KIF26B: variants seen among roughly 807,000 people sequenced by gnomAD.
KIF26B encodes the protein kinesin-like protein KIF26B.
KIF26B carries 63 observed loss-of-function variants against 151.2 expected under a neutral mutation model. The ratio of observed to expected loss-of-function variants is 0.42; its 90% CI spans 0.34 to 0.51. The LOEUF (loss-of-function observed/expected upper bound fraction) is 0.51. Ranked by LOEUF, KIF26B falls within the 20% of genes least tolerant of loss-of-function variation. KIF26B has a pLI of 0.07. For synonymous variants in KIF26B, 1,357 were observed against 1,262.1 expected, an observed-to-expected ratio of 1.08 and a Z score of -1.59; for missense variants, 2,813 against 2,913.6, an observed-to-expected ratio of 0.97 and a Z score of 0.79.
intron 2 of KIF26B, among the ~76,000 whole-genome samples, chr1:245,186,719 C>T (rs1050262497): frequency 8.5e-5 from 13 of 152,132 alleles, no homozygotes; most frequent in African/African-American, 3.1e-4. Context: ...CAGACAGAAT[C>T]AAATGAAATA....
At position 245,573,664 on chromosome 1, in the gene KIF26B, C is replaced by T. The variant is rs150080482; in HGVS notation, c.1351-28913C>T. Among the ~76,000 whole-genome samples the T allele has an allele frequency of 6.6e-3, 1,002 of 152,024 alleles. 6 individuals are homozygous for T. The highest frequency in any genetic ancestry group is 0.031 in the Middle Eastern group (9 of 292). On this transcript the variant is annotated intron_variant, in intron 5 of 14. Coordinates refer to ENST00000407071, the MANE Select transcript of KIF26B (RefSeq NM_018012.4). Reference sequence around the variant, plus strand: ...CTCCCGAGGCAGAAATTTGCTTTTGCTCATTGCAAACTGGCCAAGGAAAAA... The same window carrying T: ...CTCCCGAGGCAGAAATTTGCTTTTGTTCATTGCAAACTGGCCAAGGAAAAA...
chr1:245,471,941 G>A (rs1287184221), intron 4 of KIF26B, among the ~76,000 whole-genome samples: 1 of 151,964 alleles, frequency 6.6e-6, no homozygotes, highest in Non-Finnish European at 1.5e-5. Flanking sequence ...ACAGGCGCCC[G>A]CCACCACACC....
At chr1:245,451,585 CTTTTTTTTTTTT>C (rs58192966) in intron 4 of KIF26B, among the ~76,000 whole-genome samples, 2 of 58,740 alleles carry the variant, frequency 3.4e-5, no homozygotes, top group African/African-American at 1.4e-4. Context: ...GAAGATCTAT[CTTTTTTTTTTTT>C]TTTTTTTTTT....
intron 2 of KIF26B, among the ~76,000 whole-genome samples, chr1:245,287,937 G>A (rs1671194784): frequency 6.6e-6 from 1 of 151,228 alleles, no homozygotes; most frequent in Non-Finnish European, 1.5e-5. Flanking sequence ...TCTGGGTTTT[G>A]ATAATTATCT....
chr1:245,517,354 CAAA>C (rs530805018), intron 4 of KIF26B, among the ~76,000 whole-genome samples: 1 of 107,300 alleles, frequency 9.3e-6, no homozygotes, highest in Non-Finnish European at 2.0e-5. Context: ...GACTCTGTCT[CAAA>C]AAAAAAAAAA....
chr1:245,617,084 TTTTGTTTGTTTG>T (rs139746401), intron 9 of KIF26B, among the ~76,000 whole-genome samples: 2 of 150,882 alleles, frequency 1.3e-5, no homozygotes, highest in South Asian at 4.2e-4. Context: ...TAATCTGTTT[TTTTGTTTGTTTG>T]TTTGTTTGTT....
chr1:245,605,721 C>T lies in KIF26B; in HGVS notation c.1558-1930C>T, dbSNP rs144752802. Among the ~76,000 whole-genome samples, 247 of 152,202 alleles carry T rather than the reference C, an allele frequency of 1.6e-3. 1 individual carries two copies. Among genetic ancestry groups the T allele is most frequent in the African/African-American group, 5.6e-3 (233 of 41,574 alleles). On this transcript the variant is annotated intron_variant, in intron 6 of 14. Coordinates refer to ENST00000407071, the MANE Select transcript of KIF26B (RefSeq NM_018012.4). ...AGGTCCCAGGGGAAGCAGCAAGGGGCCTCCGGGGCCCCTGCCAGCTCTTAA... is the reference window on the plus strand; with the variant it reads ...AGGTCCCAGGGGAAGCAGCAAGGGGTCTCCGGGGCCCCTGCCAGCTCTTAA...
intron 5 of KIF26B, among the ~76,000 whole-genome samples, chr1:245,575,065 C>T (rs529723795): frequency 6.0e-5 from 9 of 151,238 alleles, no homozygotes; most frequent in African/African-American, 1.7e-4. Context: ...CGGGGTTTCA[C>T]CATGTTAGCC....
intron 2 of KIF26B, among the ~76,000 whole-genome samples, chr1:245,182,653 T>G (rs562015212): frequency 7.2e-5 from 11 of 152,260 alleles, no homozygotes; most frequent in Admixed American, 7.2e-4. Context: ...CTTTTTTTTT[T>G]GAAATAGAGT....
At chr1:245,209,371 A>C (rs904454834) in intron 2 of KIF26B, among the ~76,000 whole-genome samples, 1 of 152,194 alleles carries the variant, frequency 6.6e-6, no homozygotes, top group Non-Finnish European at 1.5e-5. Flanking sequence ...ACTGCACTCC[A>C]GCCTGGCTGA....
intron 7 of KIF26B, among the ~76,000 whole-genome samples, chr1:245,608,557 T>A (rs1272795155): frequency 6.6e-6 from 1 of 152,174 alleles, no homozygotes; most frequent in South Asian, 2.1e-4. Context: ...TACACAGCAT[T>A]TAACTTGAGA....
chr1:245,252,166 C>T lies in KIF26B; in HGVS notation c.465+95483C>T, dbSNP rs140269871. On this transcript the variant is annotated intron_variant, in intron 2 of 14. Coordinates refer to ENST00000407071, the MANE Select transcript of KIF26B (RefSeq NM_018012.4). ...TGGTGCGCATCTGTAGTCCCAGCTA[C>T]TAGGGAGGCTGAGGTGGGAGAATCA... Among the ~76,000 whole-genome samples, 61 of 151,012 alleles carry T rather than the reference C, an allele frequency of 4.0e-4. No homozygotes were observed. The East Asian group carries it at 0.011, about 26-fold the overall frequency.
At chr1:245,282,247 T>A (rs1447113604) in intron 2 of KIF26B, among the ~76,000 whole-genome samples, 1 of 152,084 alleles carries the variant, frequency 6.6e-6, no homozygotes, top group Non-Finnish European at 1.5e-5. Flanking sequence ...AAAACTACTT[T>A]AAAGTTCATA....
At chr1:245,301,816 T>A (rs1433812026) in intron 2 of KIF26B, among the ~76,000 whole-genome samples, 1 of 152,218 alleles carries the variant, frequency 6.6e-6, no homozygotes, top group Non-Finnish European at 1.5e-5. Flanking sequence ...GCCCTGTGCC[T>A]TCTAGTACCC....
chr1:245,231,582 A>G (rs558157107), intron 2 of KIF26B, among the ~76,000 whole-genome samples: 2 of 152,286 alleles, frequency 1.3e-5, no homozygotes, highest in South Asian at 2.1e-4. Flanking sequence ...GACTCTACAT[A>G]CTGAAAGTTT....
chr1:245,234,455 G>A (rs1375622134), intron 2 of KIF26B: 1 of 152,362 alleles, frequency 6.6e-6, no homozygotes, highest in Non-Finnish European at 1.5e-5. Flanking sequence ...CCATGGAGAT[G>A]GGTCTCCCAG....
intron 2 of KIF26B, among the ~76,000 whole-genome samples, chr1:245,182,434 C>A (rs147402543): frequency 1.4e-3 from 216 of 152,268 alleles, no homozygotes; most frequent in Admixed American, 2.2e-3. Flanking sequence ...TGGTAATATT[C>A]CACTGTATAA....
In KIF26B at chr1:245,367,100, C is replaced by A. The variant is rs1208350796; in HGVS notation, c.732C>A (p.Asp244Glu). 6.3e-7 allele frequency: 1 copy of A among 1,597,718 alleles called. No individual in the cohort carries two copies. Among genetic ancestry groups the A allele is most frequent in the Non-Finnish European group, 8.5e-7 (1 of 1,172,254 alleles). ...RHVGGLQQPR[D>E]WAFVPAPCAT... ...TGGGTGGGCTCCAGCAGCCCAGAGA[C>A]TGGGCCTTTGTGCCCGCCCCCTGTG... Residue 244 changes from aspartate to glutamate, a missense_variant, in exon 3 of 15, where the codon GAC becomes GAA. Physicochemically the swap from Asp to Glu is conservative, Grantham distance 45. This residue lies in a region of KIF26B where 676 missense variants were observed against 688.1 expected (regional missense o/e 0.98). Transcript: ENST00000407071. The surrounding 1 kb of genome is among the most constrained non-coding windows in gnomAD (Gnocchi z 4.2).
rs1056120436 is a variant in KIF26B, at chr1:245,227,432, G to C, written c.465+70749G>C. ...ATCTGGGCCTAAGGCTGCGGCCTCC[G>C]TCCTCTTCGCCATCATTGGCCTCTC... On this transcript the variant is annotated intron_variant, in intron 2 of 14. Coordinates refer to ENST00000407071, the MANE Select transcript of KIF26B (RefSeq NM_018012.4). The surrounding 1 kb of genome is among the most constrained non-coding windows in gnomAD (Gnocchi z 4.1). 3.9e-5 allele frequency among the ~76,000 whole-genome samples: 6 copies of C among 152,176 alleles called. No individual in the cohort carries two copies. The highest frequency in any genetic ancestry group is 1.4e-4 in the African/African-American group (6 of 41,428).
Sources: allele counts gnomAD v4.1 joint callset (sites outside exome capture counted in the v4.1 genomes callset), GRCh38; gene constraint gnomAD v4.1.1; regional missense constraint gnomAD v4.1.1; non-coding constraint Gnocchi (gnomAD v3.1); transcripts MANE v1.5; gene names NCBI Gene and HGNC (gene_info 2026-07-23, HGNC 2026-07-21).